FSTL4: variants seen among roughly 807,000 people sequenced by gnomAD.
The protein encoded by FSTL4 is follistatin like 4.
FSTL4 carries 28 observed loss-of-function variants against 78.2 expected under a neutral mutation model. The observed-to-expected ratio is 0.36, with a 90% CI of 0.27 to 0.49. FSTL4 has a LOEUF of 0.49. FSTL4 is among the 20% of genes least tolerant of loss of function. The pLI is 0.98. For synonymous variants in FSTL4, 422 were observed against 440.5 expected, an observed-to-expected ratio of 0.96 and a Z score of 0.53; for missense variants, 922 against 1,084.9, an observed-to-expected ratio of 0.85 and a Z score of 2.11.
At chr5:133,829,629 G>A in the FSTL4 span, among the ~76,000 whole-genome samples, 1 of 152,166 alleles carries the variant, frequency 6.6e-6, no homozygotes, top group African/African-American at 2.4e-5. Flanking sequence ...AGGGTTCATG[G>A]TTTTGCTGCC....
At chr5:133,795,838 G>C in the FSTL4 span, among the ~76,000 whole-genome samples, 1 of 152,238 alleles carries the variant, frequency 6.6e-6, no homozygotes, top group Non-Finnish European at 1.5e-5. Context: ...CCTCCAATGA[G>C]TAAGGGAAGC....
intron 2 of FSTL4, among the ~76,000 whole-genome samples, chr5:133,595,230 C>T (rs182516148): frequency 3.3e-5 from 5 of 152,296 alleles, no homozygotes; most frequent in East Asian, 1.9e-4. Flanking sequence ...ACATCCCATA[C>T]GATTCTCTGA....
intron 4 of FSTL4, among the ~76,000 whole-genome samples, chr5:133,336,777 C>T (rs963730236): frequency 1.3e-5 from 2 of 152,188 alleles, no homozygotes; most frequent in African/African-American, 4.8e-5. Flanking sequence ...CTTCATCCTC[C>T]CTGGGGCCTT....
chr5:133,312,573 A>C, intron 6 of FSTL4, 81 bp downstream of exon 6: 1 of 1,325,638 alleles, frequency 7.5e-7, no homozygotes, highest in Non-Finnish European at 1.1e-6. Flanking sequence ...ACAACTGAGG[A>C]CAGACTCCAG....
chr5:133,731,895 T>C, the FSTL4 span, among the ~76,000 whole-genome samples: 4 of 152,232 alleles, frequency 2.6e-5, no homozygotes, highest in African/African-American at 9.6e-5. Context: ...TGGCATTCCT[T>C]CCTCTCCCTT....
chr5:133,446,569 AGTG>A (rs997161078), intron 3 of FSTL4, among the ~76,000 whole-genome samples: 15 of 152,130 alleles, frequency 9.9e-5, no homozygotes, highest in African/African-American at 3.6e-4. Context: ...TTCTCTTTCG[AGTG>A]GTTCCTAACC....
chr5:133,374,519 T>C (rs1391830879), intron 4 of FSTL4, among the ~76,000 whole-genome samples: 1 of 152,190 alleles, frequency 6.6e-6, no homozygotes, highest in Admixed American at 6.5e-5. Context: ...TCCAATCATA[T>C]TCTTGGTGGG....
intron 4 of FSTL4, among the ~76,000 whole-genome samples, chr5:133,379,159 C>T (rs1755509757): frequency 6.6e-6 from 1 of 151,858 alleles, no homozygotes; most frequent in Admixed American, 6.5e-5. Flanking sequence ...TGGAGATAAC[C>T]AGGTGTTATA....
the FSTL4 span, among the ~76,000 whole-genome samples, chr5:133,643,060 T>C: frequency 0.12 from 18,109 of 152,258 alleles, 1,201 homozygotes; most frequent in Admixed American, 0.22. Flanking sequence ...AAACATCTTT[T>C]CAGAAGTGTA....
At chr5:133,364,671 G>A (rs920301188) in intron 4 of FSTL4, among the ~76,000 whole-genome samples, 6 of 152,210 alleles carry the variant, frequency 3.9e-5, no homozygotes, top group African/African-American at 4.8e-5. Flanking sequence ...CTCTTAGCAT[G>A]TAGAATTTCA....
At chr5:133,719,565 C>G in the FSTL4 span, among the ~76,000 whole-genome samples, 2 of 150,928 alleles carry the variant, frequency 1.3e-5, no homozygotes, top group African/African-American at 4.9e-5. Flanking sequence ...CCCAGCTACT[C>G]AAGAGGCTGA....
intron 3 of FSTL4, among the ~76,000 whole-genome samples, chr5:133,488,045 A>C (rs1758172854): frequency 6.6e-6 from 1 of 152,190 alleles, no homozygotes; most frequent in African/African-American, 2.4e-5. Flanking sequence ...CTCACTACTA[A>C]TACAAAGATA....
At chr5:133,515,383 A>T (rs428050) in intron 3 of FSTL4, among the ~76,000 whole-genome samples, 3 of 150,754 alleles carry the variant, frequency 2.0e-5, no homozygotes, top group Admixed American at 6.6e-5. Flanking sequence ...CAAAGTGAGA[A>T]CCCCATCTCT....
the FSTL4 span, among the ~76,000 whole-genome samples, chr5:133,759,448 A>G: frequency 6.6e-6 from 1 of 152,182 alleles, no homozygotes; most frequent in African/African-American, 2.4e-5. Context: ...AATTCTGGGA[A>G]TGTATACTGA....
chr5:133,573,635 T>TA (rs1194064306), intron 2 of FSTL4, among the ~76,000 whole-genome samples: 1 of 152,122 alleles, frequency 6.6e-6, no homozygotes, highest in Non-Finnish European at 1.5e-5. Flanking sequence ...TTGGAAAATT[T>TA]AAAAAATCTC....
chr5:133,231,169 C>G (rs1249747288), intron 8 of FSTL4, among the ~76,000 whole-genome samples: 1 of 151,568 alleles, frequency 6.6e-6, no homozygotes, highest in Non-Finnish European at 1.5e-5. Context: ...GCTTTTATTT[C>G]TCCTACCTTG....
chr5:133,403,825 G>A (rs533150740), intron 3 of FSTL4, among the ~76,000 whole-genome samples: 2 of 152,306 alleles, frequency 1.3e-5, no homozygotes, highest in Admixed American at 6.5e-5. Context: ...TTCATGGGGG[G>A]CTGGGGGGAG....
the FSTL4 span, among the ~76,000 whole-genome samples, chr5:133,827,761 TGGA>T: frequency 6.6e-6 from 1 of 151,600 alleles, no homozygotes; most frequent in East Asian, 2.0e-4. Flanking sequence ...CACACCTCTC[TGGA>T]GCCATCCTCA....
In FSTL4 at chr5:133,524,933, C is replaced by A. The variant is rs1759059735; in HGVS notation, c.160+42253G>T. ...TCACAGCCCTTTGGAGTCACCTAAT[C>A]TTGCTAATATGTCTGTAAATGCTTT... On this transcript the variant is annotated intron_variant, in intron 3 of 15. Transcript: ENST00000265342. Among the ~76,000 whole-genome samples the A allele has an allele frequency of 2.6e-5, 4 of 152,006 alleles. No individual in the cohort carries two copies. The South Asian group carries it at 8.3e-4, about 31-fold the overall frequency.
Sources: gnomAD v4.1 joint callset for allele counts (sites outside exome capture counted in the v4.1 genomes callset) on GRCh38, gnomAD v4.1.1 for gene constraint, MANE v1.5 for transcripts, NCBI Gene and HGNC (gene_info 2026-07-23, HGNC 2026-07-21) for gene names.